The following LRIG1 variants were observed in gnomAD, a reference collection of about 807,000 sequenced individuals.
The protein encoded by LRIG1 is leucine-rich repeats and immunoglobulin-like domains protein 1.
Under a neutral mutation model 99.2 loss-of-function variants are expected in LRIG1, and 48 were observed. The observed-to-expected ratio is 0.48, with a 90% CI of 0.38 to 0.62. The LOEUF is 0.62. LRIG1 is among the 20% of genes least tolerant of loss of function. LRIG1 has a pLI of 0.00. For missense variants in LRIG1, 1,646 were observed against 1,434.4 expected (o/e 1.15, Z -2.38); for synonymous variants, 772 against 596.1 (o/e 1.29, Z -4.30).
intron 12 of LRIG1, among the ~76,000 whole-genome samples, chr3:66,388,407 G>C (rs1701484714): frequency 6.6e-6 from 1 of 151,886 alleles, no homozygotes. Context: ...ACAAATCATG[G>C]GAGTCCAAGA....
At chr3:66,457,738 G>A (rs1186383388) in intron 2 of LRIG1, among the ~76,000 whole-genome samples, 3 of 152,204 alleles carry the variant, frequency 2.0e-5, no homozygotes, top group Non-Finnish European at 4.4e-5. Context: ...TCAAACGTGA[G>A]TCTATTTGCT....
At chr3:66,426,114 GGTCAAGTGGGT>G (rs911335917) in intron 3 of LRIG1, among the ~76,000 whole-genome samples, 2 of 152,114 alleles carry the variant, frequency 1.3e-5, no homozygotes, top group African/African-American at 4.8e-5. Context: ...GGACAAGGTG[GGTCAAGTGGGT>G]AATTTCTGAC....
intron 1 of LRIG1, among the ~76,000 whole-genome samples, chr3:66,497,249 C>G (rs1270308852): frequency 2.0e-5 from 3 of 152,226 alleles, no homozygotes; most frequent in Non-Finnish European, 2.9e-5. Context: ...GACATTTAAA[C>G]TAGCAACATT....
At chr3:66,419,309 C>T (rs1702727533) in intron 3 of LRIG1, among the ~76,000 whole-genome samples, 1 of 152,124 alleles carries the variant, frequency 6.6e-6, no homozygotes, top group African/African-American at 2.4e-5. Flanking sequence ...CCTTTTGCTC[C>T]TTGTCAGTCT....
intron 2 of LRIG1, among the ~76,000 whole-genome samples, chr3:66,461,463 A>G (rs1700352420): frequency 6.6e-6 from 1 of 152,246 alleles, no homozygotes; most frequent in Admixed American, 6.5e-5. Context: ...AGTTTTACAT[A>G]AAAGCTAAAA....
intron 8 of LRIG1, chr3:66,405,763 G>C: frequency 8.5e-7 from 1 of 1,172,738 alleles, no homozygotes; most frequent in Non-Finnish European, 1.1e-6. Context: ...CAGCCAGTGG[G>C]TCTGGAGCCC....
intron 1 of LRIG1, among the ~76,000 whole-genome samples, chr3:66,474,102 T>C (rs1700662730): frequency 2.0e-5 from 3 of 152,182 alleles, no homozygotes; most frequent in South Asian, 4.1e-4. Context: ...TCAGCATGCA[T>C]TATTGTACAC....
At chr3:66,392,918 G>A (rs571717178) in intron 12 of LRIG1, among the ~76,000 whole-genome samples, 2 of 152,308 alleles carry the variant, frequency 1.3e-5, no homozygotes, top group African/African-American at 4.8e-5. Context: ...CACACAGAAG[G>A]CTCCATAAGA....
At chr3:66,417,303 T>G in intron 3 of LRIG1, 37 bp from the exon 4 acceptor site, 5 of 1,596,620 alleles carry the variant, frequency 3.1e-6, no homozygotes, top group Non-Finnish European at 4.3e-6. Context: ...GAGCATCTCT[T>G]TTTGCAAAGT....
chr3:66,459,183 TGG>T (rs1224678971), intron 2 of LRIG1, among the ~76,000 whole-genome samples: 2 of 152,080 alleles, frequency 1.3e-5, no homozygotes, highest in Non-Finnish European at 2.9e-5. Flanking sequence ...GAAGGAAAGG[TGG>T]GAGTGCTCAG....
At chr3:66,386,512 C>T (rs1180771102) in intron 12 of LRIG1, 1 of 549,238 alleles carries the variant, frequency 1.8e-6, no homozygotes, top group East Asian at 3.0e-5. Flanking sequence ...GTACTGATCA[C>T]CTTTATGATC....
Position 66,383,363 on chromosome 3 carries a change from C to A in LRIG1, c.2110G>T (p.Val704Leu), listed in dbSNP as rs770909613. ...SLVVPLEDRVVSVGETVALQC... is the reference protein window; with the variant it reads ...SLVVPLEDRVLSVGETVALQC... ...AGGGCCACTGTTTCTCCCACAGATACCACACGGTCTTCCAAGGGGACCACC... is the reference window on the plus strand; with the variant it reads ...AGGGCCACTGTTTCTCCCACAGATAACACACGGTCTTCCAAGGGGACCACC... Residue 704 changes from valine (V) to leucine (L), a missense_variant, in exon 15 of 19, where the codon GTA becomes TTA. Coordinates refer to ENST00000273261, the MANE Select transcript of LRIG1 (RefSeq NM_015541.3). 8 of 1,578,640 alleles carry A rather than the reference C, an allele frequency of 5.1e-6. No homozygotes were observed. The highest frequency in any genetic ancestry group is 6.9e-6 in the Non-Finnish European group (8 of 1,157,370).
intron 1 of LRIG1, among the ~76,000 whole-genome samples, chr3:66,480,376 A>C (rs549151412): frequency 2.0e-4 from 31 of 152,232 alleles, no homozygotes; most frequent in African/African-American, 7.5e-4. Flanking sequence ...CTAGATTAGT[A>C]GTTACGCAAA....
At chr3:66,419,866 C>T (rs1702747525) in intron 3 of LRIG1, among the ~76,000 whole-genome samples, 1 of 152,090 alleles carries the variant, frequency 6.6e-6, no homozygotes, top group South Asian at 2.1e-4. Flanking sequence ...CTAGGGGCAT[C>T]AATAATGATT....
At chr3:66,423,139 A>G (rs902930662) in intron 3 of LRIG1, among the ~76,000 whole-genome samples, 9 of 152,234 alleles carry the variant, frequency 5.9e-5, no homozygotes, top group Non-Finnish European at 1.2e-4. Flanking sequence ...ATAGGTATGA[A>G]GTTTTAGTTT....
Position 66,407,408 on chromosome 3 carries a change from T to C in LRIG1, c.1019A>G (p.His340Arg). 6.2e-7 allele frequency: 1 copy of C among 1,614,126 alleles called. No individual in the cohort carries two copies. Among genetic ancestry groups the C allele is most frequent in the Non-Finnish European group, 8.5e-7 (1 of 1,180,040 alleles). The change falls in exon 8 of 19, where the codon CAC becomes CGC. Residue 340 changes from histidine (H) to arginine (R), a missense_variant. Transcript: ENST00000273261. ...LSSLSVLRLS[H>R]NSISHIAEGA... Reference sequence around the variant, plus strand: ...CTCCGCAATGTGGCTGATGGAATTGTGGCTGAGACGCAGGACACTCAGGCT... The same window carrying C: ...CTCCGCAATGTGGCTGATGGAATTGCGGCTGAGACGCAGGACACTCAGGCT...
At chr3:66,471,649 G>C (rs2106867610) in intron 1 of LRIG1, among the ~76,000 whole-genome samples, 1 of 152,306 alleles carries the variant, frequency 6.6e-6, no homozygotes, top group East Asian at 1.9e-4. Context: ...GATGGCAGAG[G>C]GTTCTCATAA....
intron 1 of LRIG1, chr3:66,469,147 GT>G (rs1325338349): frequency 6.6e-6 from 1 of 152,146 alleles, no homozygotes; most frequent in East Asian, 1.9e-4. Context: ...AGAAGGTTCT[GT>G]ACTTGCTGCT....
rs141198426 is a variant in LRIG1, at chr3:66,384,013, A to C, written c.2049T>G (p.Ala683=). 122 of 1,613,588 alleles carry C rather than the reference A, an allele frequency of 7.6e-5. No individual in the cohort carries two copies. In the East Asian group the frequency reaches 2.6e-3, roughly 35 times the overall value. Residue 683 remains alanine, a synonymous_variant, in exon 14 of 19, where the codon GCT becomes GCG. Transcript: ENST00000273261. ...AACCTAGGACAGTCAGGGTGGCATT[A>C]GCTGAAATAGAACCGGCTGAGTTCT... ...TAQNSAGSIS[A]NATLTVLETP...
Sources: allele counts gnomAD v4.1 joint callset (sites outside exome capture counted in the v4.1 genomes callset), GRCh38; gene constraint gnomAD v4.1.1; transcripts MANE v1.5; gene names NCBI Gene and HGNC (gene_info 2026-07-23, HGNC 2026-07-21).